The following CEP128 variants were observed in gnomAD, a reference collection of about 807,000 sequenced individuals.
CEP128 encodes the protein centrosomal protein 128kDa.
In CEP128, 132 loss-of-function variants were observed where a neutral mutation model predicts 156.7. The observed-to-expected ratio is 0.84, with a 90% CI of 0.73 to 0.97. The LOEUF is 0.97. Ranked by LOEUF, CEP128 falls within the 50% of genes least tolerant of loss-of-function variation. The pLI, the probability that CEP128 is intolerant of heterozygous loss-of-function variation, is 0.00. For missense variants in CEP128, 1,252 were observed against 1,281.9 expected (o/e 0.98, Z 0.36); for synonymous variants, 469 against 448.9 (o/e 1.04, Z -0.57).
intron 21 of CEP128, among the ~76,000 whole-genome samples, chr14:80,551,662 A>T (rs1191455640): frequency 6.6e-6 from 1 of 152,162 alleles, no homozygotes; most frequent in Admixed American, 6.5e-5. Context: ...GCCTTTAATG[A>T]TTTCTTATCA....
At position 80,781,651 on chromosome 14, in the gene CEP128, T is replaced by C. The variant is rs368098749; in HGVS notation, c.2211+3244A>G. On this transcript the variant is annotated intron_variant, in intron 15 of 24. Coordinates refer to ENST00000555265, the MANE Select transcript of CEP128 (RefSeq NM_152446.5). The stretch of plus-strand genomic sequence containing the variant: ...GTATCCGGGGGGCTAAAGGAAGGGG[T>C]TGCAGGTAGAGAAAGGAACTAGAGG... 2.8e-4 allele frequency among the ~76,000 whole-genome samples: 43 copies of C among 151,944 alleles called. 2 individuals are homozygous for C. Among genetic ancestry groups the C allele is most frequent in the East Asian group, 9.7e-4 (5 of 5,152 alleles).
At chr14:80,711,027 A>G (rs1201355753) in intron 19 of CEP128, among the ~76,000 whole-genome samples, 1 of 152,170 alleles carries the variant, frequency 6.6e-6, no homozygotes, top group African/African-American at 2.4e-5. Flanking sequence ...GAGAAACAGT[A>G]TAGCAGCTAA....
At chr14:80,834,076 C>G (rs1327798544) in intron 12 of CEP128, among the ~76,000 whole-genome samples, 1 of 152,000 alleles carries the variant, frequency 6.6e-6, no homozygotes. Context: ...GTTAGGAGAG[C>G]AAATAGAGCT....
chr14:80,664,787 TAA>T (rs1297944777), intron 19 of CEP128, among the ~76,000 whole-genome samples: 1 of 152,136 alleles, frequency 6.6e-6, no homozygotes, highest in Non-Finnish European at 1.5e-5. Context: ...ACCCAAACCT[TAA>T]AGGAGGTTTA....
intron 18 of CEP128, among the ~76,000 whole-genome samples, chr14:80,744,368 T>G (rs1470742083): frequency 6.6e-6 from 1 of 152,086 alleles, no homozygotes; most frequent in African/African-American, 2.4e-5. Context: ...TGTATCAAAA[T>G]TATTAATATA....
At chr14:80,705,098 C>CAA (rs745932610) in intron 19 of CEP128, among the ~76,000 whole-genome samples, 7 of 145,408 alleles carry the variant, frequency 4.8e-5, no homozygotes, top group South Asian at 4.3e-4. Flanking sequence ...TTTATCCCAC[C>CAA]AAAAAAAAAA....
intron 18 of CEP128, among the ~76,000 whole-genome samples, chr14:80,756,628 C>T (rs1899672679): frequency 6.6e-6 from 1 of 152,112 alleles, no homozygotes; most frequent in African/African-American, 2.4e-5. Flanking sequence ...TGTCAATGTT[C>T]ACATATATCT....
At chr14:80,682,663 C>T (rs570192374) in intron 19 of CEP128, among the ~76,000 whole-genome samples, 1 of 152,080 alleles carries the variant, frequency 6.6e-6, no homozygotes, top group African/African-American at 2.4e-5. Context: ...AAGATTAATG[C>T]TAAAGAAAAA....
intron 23 of CEP128, among the ~76,000 whole-genome samples, chr14:80,514,412 T>C (rs998453375): frequency 7.0e-6 from 1 of 142,784 alleles, no homozygotes; most frequent in Non-Finnish European, 1.5e-5. Context: ...ACTTCATTAT[T>C]TTTTTTTTTG....
upstream of CEP128, among the ~76,000 whole-genome samples, chr14:80,943,413 C>T (rs758992620): frequency 3.9e-5 from 6 of 152,142 alleles, no homozygotes; most frequent in Non-Finnish European, 7.4e-5. Flanking sequence ...ACCAAAAGAG[C>T]TAATGTAATC....
chr14:80,612,197 TG>T (rs1280213130), intron 19 of CEP128, among the ~76,000 whole-genome samples: 2 of 152,188 alleles, frequency 1.3e-5, no homozygotes, highest in Non-Finnish European at 2.9e-5. Flanking sequence ...TGAAACATGG[TG>T]TTTTTTTGTC....
At chr14:80,686,276 T>A (rs1457477601) in intron 19 of CEP128, among the ~76,000 whole-genome samples, 2 of 152,034 alleles carry the variant, frequency 1.3e-5, no homozygotes, top group African/African-American at 2.4e-5. Context: ...GGGGCCAATA[T>A]TCAACATTCT....
At chr14:80,890,016 CAT>C (rs778143454) in intron 8 of CEP128, among the ~76,000 whole-genome samples, 4 of 152,118 alleles carry the variant, frequency 2.6e-5, no homozygotes, top group Non-Finnish European at 5.9e-5. Context: ...GGTCAACAAT[CAT>C]GTGAAAAAAA....
intron 2 of CEP128, among the ~76,000 whole-genome samples, chr14:80,947,711 G>C (rs936638817): frequency 3.9e-5 from 6 of 152,180 alleles, no homozygotes; most frequent in African/African-American, 1.4e-4. Flanking sequence ...AGAGATTCCT[G>C]ACTGGGAATG....
At chr14:80,949,522 A>G (rs976480953) in intron 2 of CEP128, among the ~76,000 whole-genome samples, 22 of 152,310 alleles carry the variant, frequency 1.4e-4, no homozygotes, top group African/African-American at 5.1e-4. Flanking sequence ...ACAGGGGACC[A>G]GGAACAGTGA....
At chr14:80,492,124 TTTGAAA>T (rs1887344855), downstream of CEP128, among the ~76,000 whole-genome samples, 1 of 152,178 alleles carries the variant, frequency 6.6e-6, no homozygotes, top group East Asian at 1.9e-4. Flanking sequence ...AGGGGATATA[TTTGAAA>T]TTGAAATTTT....
chr14:80,662,937 A>G (rs1193846351), intron 19 of CEP128, among the ~76,000 whole-genome samples: 1 of 152,232 alleles, frequency 6.6e-6, no homozygotes, highest in African/African-American at 2.4e-5. Context: ...TGAAATTTTC[A>G]TTTTATTTAA....
At chr14:80,909,486 T>C (rs956389868) in intron 4 of CEP128, among the ~76,000 whole-genome samples, 3 of 151,298 alleles carry the variant, frequency 2.0e-5, no homozygotes, top group African/African-American at 7.3e-5. Context: ...AGTGAAACAC[T>C]TCCCCAAAAT....
At chr14:80,913,882 C>A (rs1884394192) in intron 4 of CEP128, among the ~76,000 whole-genome samples, 2 of 152,086 alleles carry the variant, frequency 1.3e-5, no homozygotes, top group Admixed American at 1.3e-4. Context: ...ACAATTCATC[C>A]ATGAAACCAA....
Sources: allele counts gnomAD v4.1 joint callset (sites outside exome capture counted in the v4.1 genomes callset), GRCh38; gene constraint gnomAD v4.1.1; transcripts MANE v1.5; gene names NCBI Gene and HGNC (gene_info 2026-07-23, HGNC 2026-07-21).